The following SSX1 variants were observed in gnomAD, a reference collection of about 807,000 sequenced individuals.
SSX1 encodes protein SSX1.
SSX1 carries 58 observed loss-of-function variants against 14.6 expected under a neutral mutation model. The ratio of observed to expected loss-of-function variants is 3.96; its 90% CI spans 3.21 to 4.93. The LOEUF is 4.93. Ranked by LOEUF, SSX1 falls within the 30% of genes most tolerant of loss-of-function variation. The pLI, the probability that SSX1 is intolerant of heterozygous loss-of-function variation, is 0.00. For synonymous variants in SSX1, 46 were observed against 52.1 expected, an observed-to-expected ratio of 0.88 and a Z score of 0.50; for missense variants, 272 against 143.1, an observed-to-expected ratio of 1.90 and a Z score of -4.60.
chrX:48,259,225 G>C (rs2091094531), intron 4 of SSX1, among the ~76,000 whole-genome samples: 2 of 111,242 alleles, frequency 1.8e-5, no homozygotes, highest in South Asian at 3.8e-4. Flanking sequence ...TCAAACTCCT[G>C]ACCTCAGGTG....
chrX:48,264,840 T>C (rs1437781652), intron 6 of SSX1, among the ~76,000 whole-genome samples: 1 of 112,974 alleles, frequency 8.9e-6, no homozygotes, highest in Non-Finnish European at 1.9e-5. Flanking sequence ...TGAAAATCTG[T>C]TGTTTAGTGT....
chrX:48,256,390 C>G (rs1556934344), intron 1 of SSX1, among the ~76,000 whole-genome samples: 1 of 106,308 alleles, frequency 9.4e-6, no homozygotes, highest in Non-Finnish European at 1.9e-5. Context: ...TCCGCCCCCC[C>G]TTGGCCAAAG....
chrX:48,264,778 A>G (rs2059617641), intron 6 of SSX1, among the ~76,000 whole-genome samples: 1 of 112,967 alleles, frequency 8.9e-6, no homozygotes, highest in African/African-American at 3.2e-5. Flanking sequence ...ATCTCTAGCT[A>G]TGAAAGTTTT....
Position 48,261,818 on chromosome X carries a change from G to A in SSX1, c.330+3G>A, listed in dbSNP as rs1327918623. On this transcript the variant is annotated splice_donor_region_variant and intron_variant, in intron 5 of 7. Coordinates refer to ENST00000376919, the MANE Select transcript of SSX1 (RefSeq NM_005635.4). ...GGCTCCACAGAATCATCCCGAAGGT[G>A]AGTATCTCTCAAATCTAAAGGACCA... The A allele has an allele frequency of 8.3e-7, 1 of 1,208,453 alleles. No homozygotes were observed. The highest frequency in any genetic ancestry group is 2.2e-5 in the Admixed American group (1 of 45,621).
At chrX:48,262,576 G>A (rs1304792908) in intron 5 of SSX1, among the ~76,000 whole-genome samples, 2 of 111,101 alleles carry the variant, frequency 1.8e-5, no homozygotes, top group African/African-American at 6.5e-5. Flanking sequence ...TGGGGCATCC[G>A]AGAAGCCCCA....
intron 1 of SSX1, among the ~76,000 whole-genome samples, chrX:48,256,553 G>A (rs1359636858): frequency 3.1e-5 from 3 of 97,093 alleles, no homozygotes; most frequent in Non-Finnish European, 6.0e-5. Flanking sequence ...TGCACGCCTC[G>A]GCCTCCCAAA....
At position 48,257,851 on chromosome X, in the gene SSX1, A is replaced by C. The variant is rs782257853; in HGVS notation, c.175A>C (p.Thr59Pro). 8.5e-7 allele frequency: 1 copy of C among 1,169,927 alleles called. No individual in the cohort carries two copies. Among genetic ancestry groups the C allele is most frequent in the Admixed American group, 2.3e-5 (1 of 43,711 alleles). Residue 59 changes from threonine to proline, a missense_variant, in exon 3 of 8, where the codon ACT (threonine) becomes CCT (proline). Thr to Pro is a conservative substitution (Grantham distance 38, BLOSUM62 -1). Transcript: ENST00000376919. ...VYMKRNYKAM[T>P]KLGFKVTLPP... ...TATGAAGAGAAACTATAAGGCCATG[A>C]CTAAACTAGGTAACAGAAAGTTCTA... is the stretch of plus-strand genomic sequence containing the variant.
At chrX:48,258,045 A>G (rs2059589595) in intron 3 of SSX1, among the ~76,000 whole-genome samples, 185 bp downstream of exon 3, 2 of 109,560 alleles carry the variant, frequency 1.8e-5, no homozygotes, top group Admixed American at 9.8e-5. Flanking sequence ...GGGACTGGCC[A>G]TAGTGGAGCT....
chrX:48,264,351 G>C (rs1303260666), intron 6 of SSX1, among the ~76,000 whole-genome samples: 7 of 112,107 alleles, frequency 6.2e-5, no homozygotes, highest in East Asian at 2.8e-4. Flanking sequence ...GGGTTCCAGA[G>C]CACTGCAATA....
At chrX:48,255,828 C>T (rs181252061) in intron 1 of SSX1, among the ~76,000 whole-genome samples, 8 of 105,119 alleles carry the variant, frequency 7.6e-5, no homozygotes, top group African/African-American at 1.7e-4. Context: ...TGGCCTCTGC[C>T]GCCTGGGCTT....
chrX:48,256,455 G>GTTTTTTTTTTTTTTT (rs1190862256), intron 1 of SSX1, among the ~76,000 whole-genome samples: 2 of 31,163 alleles, frequency 6.4e-5, no homozygotes, highest in Non-Finnish European at 1.1e-4. Flanking sequence ...TTGTGTGGTT[G>GTTTTTTTTTTTTTTT]TTTTTTTTTT....
intron 7 of SSX1, among the ~76,000 whole-genome samples, 192 bp from the exon 8 acceptor site, chrX:48,266,662 A>G (rs1229030010): frequency 3.6e-5 from 4 of 111,794 alleles, no homozygotes; most frequent in East Asian, 5.6e-4. Context: ...CTAGGAATGC[A>G]TAAACCAGGC....
intron 4 of SSX1, among the ~76,000 whole-genome samples, chrX:48,260,851 A>T (rs1239628789): frequency 1.8e-5 from 2 of 112,306 alleles, no homozygotes; most frequent in African/African-American, 6.5e-5. Flanking sequence ...CATTAACAGC[A>T]TGTAGATATT....
chrX:48,265,554 T>C (rs1447780960), intron 6 of SSX1, among the ~76,000 whole-genome samples: 4 of 110,780 alleles, frequency 3.6e-5, no homozygotes, highest in African/African-American at 6.6e-5. Flanking sequence ...CTTCTCTAGG[T>C]GGAGTTCCTG....
In SSX1 at chrX:48,264,040, C is replaced by T. The variant is rs186905817; in HGVS notation, c.466+123C>T. 143 of 1,087,096 alleles carry T rather than the reference C, an allele frequency of 1.3e-4. No homozygotes were observed. In the African/African-American group the frequency reaches 2.4e-3, roughly 18 times the overall value. The allele number at this position is 1,087,096 out of a possible 1,213,427, so 89.6% of individuals were successfully genotyped here. ...TCCAGGCTGGGCTGAAGAGCTCGCCCAGCTCCAGATGAGATGTTAGACATG... is the reference window on the plus strand; with the variant it reads ...TCCAGGCTGGGCTGAAGAGCTCGCCTAGCTCCAGATGAGATGTTAGACATG... On this transcript the variant is annotated intron_variant, in intron 6 of 7. Transcript: ENST00000376919.
intron 5 of SSX1, among the ~76,000 whole-genome samples, chrX:48,262,898 G>C (rs1361524905): frequency 9.0e-6 from 1 of 110,742 alleles, no homozygotes; most frequent in Non-Finnish European, 1.9e-5. Context: ...CAATTTAGGA[G>C]GTTGAGGCGG....
chrX:48,256,683 T>C lies in SSX1; in HGVS notation c.-20-539T>C, dbSNP rs187335934. 3.6e-3 allele frequency among the ~76,000 whole-genome samples: 397 copies of C among 109,520 alleles called. 2 individuals are homozygous for C. Among genetic ancestry groups the C allele is most frequent in the African/African-American group, 0.012 (371 of 30,062 alleles). ...TCTCAGAGATTCTAGCTCTCTTCCTTCTAATAATTTACAAATAACCCAGTA... is the reference window on the plus strand; with the variant it reads ...TCTCAGAGATTCTAGCTCTCTTCCTCCTAATAATTTACAAATAACCCAGTA... On this transcript the variant is annotated intron_variant, in intron 1 of 7. Coordinates refer to ENST00000376919, the MANE Select transcript of SSX1 (RefSeq NM_005635.4).
rs2079147943 is a variant in SSX1 at position 48,263,896 on chromosome X, G to A, written c.445G>A (p.Glu149Lys). The A allele has an allele frequency of 2.5e-6, 3 of 1,211,195 alleles. No homozygotes were observed. Among genetic ancestry groups the A allele is most frequent in the Middle Eastern group, 2.3e-4 (1 of 4,344 alleles). Residue 149 changes from glutamate to lysine, a missense_variant, in exon 6 of 8, where the codon GAG becomes AAG. Transcript: ENST00000376919. ...LHPPGKANIS[E>K]KINKRSGPKR... is the part of the protein sequence containing the mutation. ...CCCCCCAGGAAAAGCAAATATTTCTGAGAAGATTAATAAGAGATCTGGTAA... is the reference window on the plus strand; with the variant it reads ...CCCCCCAGGAAAAGCAAATATTTCTAAGAAGATTAATAAGAGATCTGGTAA...
At chrX:48,259,647 C>T (rs1439618442) in intron 4 of SSX1, among the ~76,000 whole-genome samples, 3 of 110,503 alleles carry the variant, frequency 2.7e-5, no homozygotes, top group Non-Finnish European at 5.7e-5. Flanking sequence ...TTCCCCTTCC[C>T]GTGTCCTTGT....
Sources: allele counts gnomAD v4.1 joint callset (sites outside exome capture counted in the v4.1 genomes callset), GRCh38; gene constraint gnomAD v4.1.1; transcripts MANE v1.5; gene names NCBI Gene and HGNC (gene_info 2026-07-23, HGNC 2026-07-21).